SMTN: variants seen among roughly 807,000 people sequenced by gnomAD.
The protein encoded by SMTN is smoothelin.
SMTN carries 58 observed loss-of-function variants against 102.0 expected under a neutral mutation model. The ratio of observed to expected loss-of-function variants is 0.57; its 90% CI spans 0.46 to 0.71. The LOEUF is 0.71. Among genes scored for constraint, SMTN ranks in the 30% least tolerant of loss-of-function variants. SMTN has a pLI of 0.00. For synonymous variants in SMTN, 478 were observed against 497.9 expected (o/e 0.96, Z 0.53); for missense variants, 1,185 against 1,241.7 (o/e 0.95, Z 0.69).
intron 20 of SMTN, 80 bp from the exon 21 acceptor site, chr22:31,104,236 T>A: frequency 6.6e-7 from 1 of 1,525,268 alleles, no homozygotes; most frequent in Non-Finnish European, 8.9e-7. Flanking sequence ...AATGCGGCAA[T>A]AAAAAAGACC....
At chr22:31,078,442 T>G (rs1475561522), upstream of SMTN, among the ~76,000 whole-genome samples, 1 of 152,176 alleles carries the variant, frequency 6.6e-6, no homozygotes, top group Non-Finnish European at 1.5e-5. Context: ...GTAGACCCTT[T>G]CTGTGACAGC....
chr22:31,079,255 A>G (rs1167425659), upstream of SMTN, among the ~76,000 whole-genome samples: 1 of 152,190 alleles, frequency 6.6e-6, no homozygotes, highest in African/African-American at 2.4e-5. Flanking sequence ...TTTGATCTCT[A>G]GATCACCCCC....
Position 31,084,974 on chromosome 22 carries a change from C to T in SMTN, c.51+1665C>T, listed in dbSNP as rs1017417731. The T allele has an allele frequency of 1.0e-5, 15 of 1,456,650 alleles. No individual in the cohort carries two copies. In the East Asian group the frequency reaches 2.3e-4, roughly 23 times the overall value. The allele number at this position is 1,456,650 out of a possible 1,614,324, so 90.2% of individuals were successfully genotyped here. ...GGGCCATATAAGGAAAAGCTAGGCC[C>T]GCTCCGCCCGCCCTGCGCCCCAGCG... On this transcript the variant is annotated intron_variant, in intron 2 of 20. Coordinates refer to ENST00000333137, the MANE Select transcript of SMTN (RefSeq NM_134269.3).
At chr22:31,089,049 G>A (rs1397056927) in intron 6 of SMTN, 80 bp downstream of exon 6, 2 of 1,197,848 alleles carry the variant, frequency 1.7e-6, no homozygotes, top group Non-Finnish European at 2.4e-6. Context: ...TCTTTGCTAG[G>A]CTGGTATTTC....
Position 31,091,337 on chromosome 22 carries a change from G to T in SMTN, c.1314G>T (p.Glu438Asp). Reference protein sequence around the residue: ...NRAGGPVARSEEPGAPLPVAV... With the variant: ...NRAGGPVARSDEPGAPLPVAV... ...CAGGGGGGCCTGTGGCACGTTCAGA[G>T]GAGCCTGGTGCCCCGCTGCCCGTGG... is the stretch of plus-strand genomic sequence containing the variant. The change falls in exon 10 of 21, where the codon GAG (glutamate) becomes GAT (aspartate). Residue 438 changes from glutamate to aspartate, a missense_variant. This residue lies in a region of SMTN where 1,096 missense variants were observed against 1,112.7 expected (regional missense o/e 0.98). Coordinates refer to ENST00000333137, the MANE Select transcript of SMTN (RefSeq NM_134269.3). 1 of 1,607,034 alleles carries T rather than the reference G, an allele frequency of 6.2e-7. No homozygotes were observed. Among genetic ancestry groups the T allele is most frequent in the Non-Finnish European group, 8.5e-7 (1 of 1,178,552 alleles).
intron 1 of SMTN, among the ~76,000 whole-genome samples, chr22:31,081,860 T>C (rs1225245114): frequency 6.6e-6 from 1 of 152,196 alleles, no homozygotes; most frequent in African/African-American, 2.4e-5. Flanking sequence ...GGAATCAGAA[T>C]GTCCGCAGAA....
chr22:31,100,965 C>A lies in SMTN; in HGVS notation c.2684C>A (p.Thr895Lys), dbSNP rs1019845723. The A allele has an allele frequency of 6.2e-7, 1 of 1,613,066 alleles. No homozygotes were observed. The highest frequency in any genetic ancestry group is 8.5e-7 in the Non-Finnish European group (1 of 1,179,592). Reference protein sequence around the residue: ...LREPDWKCVYTYIQEFYRCLV... With the variant: ...LREPDWKCVYKYIQEFYRCLV... ...GAGCCTGACTGGAAGTGCGTGTACA[C>A]GTACATCCAGGAATTCTACCGCTGT... Residue 895 changes from threonine (T) to lysine (K), a missense_variant, in exon 20 of 21, where the codon ACG (threonine) becomes AAG (lysine). Physicochemically the swap from Thr to Lys is moderately conservative, Grantham distance 78. Transcript: ENST00000333137.
intron 11 of SMTN, chr22:31,093,973 A>G: frequency 2.4e-6 from 2 of 835,778 alleles, no homozygotes; most frequent in East Asian, 2.7e-5. Flanking sequence ...GCCTCAGTTT[A>G]TCTATCTTGA....
chr22:31,066,721 A>C (rs2041858372), intron 1 of SMTN: 1 of 152,054 alleles, frequency 6.6e-6, no homozygotes, highest in African/African-American at 2.4e-5. Flanking sequence ...CAAACCTCCT[A>C]ATTAATCCAA....
intron 2 of SMTN, chr22:31,085,366 AG>A: frequency 4.5e-6 from 6 of 1,323,752 alleles, no homozygotes; most frequent in Non-Finnish European, 5.0e-6. Context: ...CCCCCTGGCG[AG>A]GCTTCCCTCC....
Position 31,095,860 on chromosome 22 carries a change from A to C in SMTN, c.1861+251A>C. The C allele has an allele frequency of 3.7e-6, 2 of 539,492 alleles. No homozygotes were observed. Among genetic ancestry groups the C allele is most frequent in the Non-Finnish European group, 3.3e-6 (1 of 303,822 alleles). The allele number at this position is 539,492 out of a possible 1,614,324, so 33.4% of individuals were successfully genotyped here. A position where few individuals can be genotyped will look rare whatever the true frequency, so the allele number is the denominator to read the frequency against. ...TCTCTTCTCCTTCCTAGACCCAGAT[A>C]CTCCCTCCCGCAGCTACTCTCTCCT... is the stretch of plus-strand genomic sequence containing the variant. On this transcript the variant is annotated intron_variant, in intron 13 of 20. Transcript: ENST00000333137. This position sits in a 1 kb window ranked among gnomAD's most constrained non-coding sequence, Gnocchi z 4.1.
At chr22:31,069,559 C>T (rs1051885799) in intron 1 of SMTN, among the ~76,000 whole-genome samples, 2 of 152,152 alleles carry the variant, frequency 1.3e-5, no homozygotes, top group African/African-American at 4.8e-5. Context: ...GGCCTGGGTG[C>T]GGTGGGGCTT....
intron 8 of SMTN, 151 bp from the exon 9 acceptor site, chr22:31,090,657 G>T: frequency 1.4e-6 from 1 of 702,118 alleles, no homozygotes; most frequent in Admixed American, 2.0e-5. Context: ...GGAGATCCAG[G>T]AGGGGATGGA....
chr22:31,090,356 C>T (rs1204429747), intron 8 of SMTN, among the ~76,000 whole-genome samples, 176 bp downstream of exon 8: 1 of 151,914 alleles, frequency 6.6e-6, no homozygotes, highest in Non-Finnish European at 1.5e-5. Context: ...GGCCAGCCTC[C>T]CCCTCCACCC....
At chr22:31,083,564 G>A (rs983922684) in intron 2 of SMTN, 2 of 414,860 alleles carry the variant, frequency 4.8e-6, no homozygotes, top group Non-Finnish European at 8.7e-6. Context: ...AGTAACTGCT[G>A]TAGACTCGCC....
At position 31,087,838 on chromosome 22, in the gene SMTN, G is replaced by C. The variant is rs996646790; in HGVS notation, c.52-127G>C. On this transcript the variant is annotated intron_variant, in intron 2 of 20. Transcript: ENST00000333137. Reference sequence around the variant, plus strand: ...GGACCCTGCGTGGGCAGGCAGGCACGTGAAGAGCTTGGGACACAGGGAGTG... The same window carrying C: ...GGACCCTGCGTGGGCAGGCAGGCACCTGAAGAGCTTGGGACACAGGGAGTG... The C allele has an allele frequency of 1.9e-5, 20 of 1,060,336 alleles. No individual in the cohort carries two copies. The East Asian group carries it at 4.9e-4, about 26-fold the overall frequency. 65.7% of individuals were successfully genotyped at this position (1,060,336 alleles called of 1,614,324 possible). A position where few individuals can be genotyped will look rare whatever the true frequency, so the allele number is the denominator to read the frequency against.
chr22:31,091,440 T>A lies in SMTN; in HGVS notation c.1417T>A (p.Ser473Thr). 1 of 1,537,272 alleles carries A rather than the reference T, an allele frequency of 6.5e-7. No homozygotes were observed. Among genetic ancestry groups the A allele is most frequent in the Non-Finnish European group, 8.7e-7 (1 of 1,145,734 alleles). The change falls in exon 10 of 21, where the codon TCC becomes ACC. Residue 473 changes from serine to threonine, a missense_variant. Physicochemically the swap from Ser to Thr is moderately conservative, Grantham distance 58. This residue lies in a region of SMTN where 1,096 missense variants were observed against 1,112.7 expected (regional missense o/e 0.98). Coordinates refer to ENST00000333137, the MANE Select transcript of SMTN (RefSeq NM_134269.3). The stretch of plus-strand genomic sequence containing the variant: ...GATCAAGGACGGCCGTGGCCAGGCC[T>A]CCACAGGCCGGGTGCTGCTGCCCAC... ...IEIKDGRGQA[S>T]TGRVLLPTGN...
intron 2 of SMTN, among the ~76,000 whole-genome samples, chr22:31,084,721 A>G (rs2042543815): frequency 6.6e-6 from 1 of 152,152 alleles, no homozygotes; most frequent in African/African-American, 2.4e-5. Context: ...GCGGCGCTGG[A>G]AAAGAGTTTT....
At chr22:31,075,813 G>A (rs564829135) in intron 1 of SMTN, among the ~76,000 whole-genome samples, 1 of 152,202 alleles carries the variant, frequency 6.6e-6, no homozygotes, top group South Asian at 2.1e-4. Flanking sequence ...TATTTTAAAG[G>A]GTTTTTGTTT....
Sources: allele counts gnomAD v4.1 joint callset (sites outside exome capture counted in the v4.1 genomes callset), GRCh38; gene constraint gnomAD v4.1.1; regional missense constraint gnomAD v4.1.1; non-coding constraint Gnocchi (gnomAD v3.1); transcripts MANE v1.5; gene names NCBI Gene and HGNC (gene_info 2026-07-23, HGNC 2026-07-21).